KHDRBS2: variants seen among roughly 807,000 people sequenced by gnomAD.
The protein encoded by KHDRBS2 is KH domain-containing, RNA-binding, signal transduction-associated protein 2.
Under a neutral mutation model 44.3 loss-of-function variants are expected in KHDRBS2, and 26 were observed. The ratio of observed to expected loss-of-function variants is 0.59; its 90% CI spans 0.43 to 0.81. The LOEUF (loss-of-function observed/expected upper bound fraction) is 0.81. Among genes scored for constraint, KHDRBS2 ranks in the 40% least tolerant of loss-of-function variants. The pLI is 0.00. For synonymous variants in KHDRBS2, 194 were observed against 151.1 expected, an observed-to-expected ratio of 1.28 and a Z score of -2.08; for missense variants, 476 against 433.1, an observed-to-expected ratio of 1.10 and a Z score of -0.88.
chr6:62,131,175 C>T (rs2150090047), intron 2 of KHDRBS2, among the ~76,000 whole-genome samples: 1 of 152,192 alleles, frequency 6.6e-6, no homozygotes, highest in South Asian at 2.1e-4. Context: ...TATATGTTTG[C>T]CCACACTTGA....
chr6:62,217,189 A>G lies in KHDRBS2; in HGVS notation c.92-39877T>C, dbSNP rs190921995. Among the ~76,000 whole-genome samples, 39 of 151,918 alleles carry G rather than the reference A, an allele frequency of 2.6e-4. 1 individual carries two copies. In the East Asian group the frequency reaches 6.8e-3, roughly 26 times the overall value. On this transcript the variant is annotated intron_variant, in intron 1 of 8. Coordinates refer to ENST00000281156, the MANE Select transcript of KHDRBS2 (RefSeq NM_152688.4). Reference sequence around the variant, plus strand: ...GAGCAATGTCTCTTCGCCGTTTTCAATAAGAGCTGAGTCTTTCTCATGAAC... The same window carrying G: ...GAGCAATGTCTCTTCGCCGTTTTCAGTAAGAGCTGAGTCTTTCTCATGAAC...
chr6:62,068,496 C>G (rs1794262123), intron 2 of KHDRBS2, among the ~76,000 whole-genome samples: 1 of 151,382 alleles, frequency 6.6e-6, no homozygotes, highest in Non-Finnish European at 1.5e-5. Context: ...ATTTATAGCA[C>G]AAACTTTTAA....
At chr6:62,179,507 C>G (rs1187687632) in intron 1 of KHDRBS2, among the ~76,000 whole-genome samples, 1 of 151,654 alleles carries the variant, frequency 6.6e-6, no homozygotes, top group African/African-American at 2.4e-5. Flanking sequence ...ATCATGTCCT[C>G]TGATACTAAG....
At chr6:62,021,131 A>T (rs1185916542) in intron 3 of KHDRBS2, among the ~76,000 whole-genome samples, 1 of 152,046 alleles carries the variant, frequency 6.6e-6, no homozygotes, top group Non-Finnish European at 1.5e-5. Context: ...ACAAGAACAG[A>T]AATCCAAATA....
At chr6:61,637,043 A>G in the KHDRBS2 span, among the ~76,000 whole-genome samples, 1 of 152,044 alleles carries the variant, frequency 6.6e-6, no homozygotes, top group South Asian at 2.1e-4. Context: ...TTTATTTATT[A>G]TTATTATACT....
At chr6:61,607,845 G>A in the KHDRBS2 span, among the ~76,000 whole-genome samples, 1 of 151,986 alleles carries the variant, frequency 6.6e-6, no homozygotes, top group Non-Finnish European at 1.5e-5. Flanking sequence ...GCACCACCAC[G>A]CCTGGCTATT....
intron 3 of KHDRBS2, among the ~76,000 whole-genome samples, chr6:61,995,423 C>T (rs1186448155): frequency 3.3e-5 from 5 of 152,086 alleles, no homozygotes; most frequent in Non-Finnish European, 7.3e-5. Context: ...CTCAGCTAGG[C>T]TTTGAAGAAT....
At chr6:62,133,449 G>A (rs1387851914) in intron 2 of KHDRBS2, among the ~76,000 whole-genome samples, 1 of 152,188 alleles carries the variant, frequency 6.6e-6, no homozygotes, top group East Asian at 1.9e-4. Flanking sequence ...TCTCCAGTAA[G>A]TGGAACTGTG....
In KHDRBS2 at chr6:61,848,469, T is replaced by TTA. The variant is rs796641130; in HGVS notation, c.810+46164_810+46165dup. ...GGTTATATTGAGAGAAATGGAGGTTTTATATATATATATATATATATGTAT... is the reference window on the plus strand; with the variant it reads ...GGTTATATTGAGAGAAATGGAGGTTTTATATATATATATATATATATATGTAT... On this transcript the variant is annotated intron_variant, in intron 6 of 8. Coordinates refer to ENST00000281156, the MANE Select transcript of KHDRBS2 (RefSeq NM_152688.4). Among the ~76,000 whole-genome samples the TTA allele has an allele frequency of 8.6e-3, 635 of 73,570 alleles. 48 individuals carry two copies. The highest frequency in any genetic ancestry group is 0.014 in the East Asian group (48 of 3,414). 48.3% of individuals were successfully genotyped at this position (73,570 alleles called of 152,430 possible). A position where few individuals can be genotyped will look rare whatever the true frequency, so the allele number is the denominator to read the frequency against.
At chr6:62,255,447 T>G (rs1274939132) in intron 1 of KHDRBS2, among the ~76,000 whole-genome samples, 1 of 152,078 alleles carries the variant, frequency 6.6e-6, no homozygotes, top group Non-Finnish European at 1.5e-5. Flanking sequence ...CTCCATCTTA[T>G]GGATGTAACA....
intron 4 of KHDRBS2, among the ~76,000 whole-genome samples, chr6:61,937,856 T>C (rs1363554557): frequency 3.3e-5 from 5 of 152,126 alleles, no homozygotes; most frequent in African/African-American, 9.6e-5. Context: ...GGTCCACTCC[T>C]AGGCACTGCT....
chr6:61,779,195 T>A (rs1053090820), intron 6 of KHDRBS2, among the ~76,000 whole-genome samples: 2 of 152,152 alleles, frequency 1.3e-5, no homozygotes, highest in Non-Finnish European at 2.9e-5. Flanking sequence ...TATACCAATT[T>A]TTTTTTATTT....
chr6:62,274,124 C>T (rs1320966098), intron 1 of KHDRBS2, among the ~76,000 whole-genome samples: 1 of 151,950 alleles, frequency 6.6e-6, no homozygotes, highest in African/African-American at 2.4e-5. Context: ...TTAGTAGACA[C>T]GGGGTTTAAC....
chr6:62,257,983 T>C (rs1359843352), intron 1 of KHDRBS2, among the ~76,000 whole-genome samples: 1 of 151,956 alleles, frequency 6.6e-6, no homozygotes, highest in African/African-American at 2.4e-5. Context: ...AATCCAAAAA[T>C]CCAAAATCTG....
chr6:61,562,483 T>C, the KHDRBS2 span, among the ~76,000 whole-genome samples: 160 of 152,316 alleles, frequency 1.1e-3, no homozygotes, highest in African/African-American at 3.7e-3. Context: ...GGAAGAGGTT[T>C]TCCTTTCCCC....
chr6:62,246,907 TTAAG>T (rs1353882640), intron 1 of KHDRBS2, among the ~76,000 whole-genome samples: 1 of 151,984 alleles, frequency 6.6e-6, no homozygotes, highest in African/African-American at 2.4e-5. Context: ...GCAAATTACT[TTAAG>T]TATTATTTAT....
intron 1 of KHDRBS2, among the ~76,000 whole-genome samples, chr6:62,281,405 A>G (rs1841777416): frequency 6.6e-6 from 1 of 152,078 alleles, no homozygotes; most frequent in African/African-American, 2.4e-5. Flanking sequence ...GTCAATCACA[A>G]AATTCGGAGT....
chr6:61,982,296 A>ACT (rs1379647932), intron 3 of KHDRBS2, among the ~76,000 whole-genome samples: 1 of 152,140 alleles, frequency 6.6e-6, no homozygotes, highest in Non-Finnish European at 1.5e-5. Flanking sequence ...TCTTTACAAA[A>ACT]CGGGATTCCC....
intron 6 of KHDRBS2, among the ~76,000 whole-genome samples, chr6:61,837,379 C>G (rs1792861477): frequency 6.6e-6 from 1 of 151,938 alleles, no homozygotes; most frequent in South Asian, 2.1e-4. Context: ...TCCTTAGGCA[C>G]CAACAGCTAG....
Sources: gnomAD v4.1 joint callset for allele counts (sites outside exome capture counted in the v4.1 genomes callset) on GRCh38, gnomAD v4.1.1 for gene constraint, MANE v1.5 for transcripts, NCBI Gene and HGNC (gene_info 2026-07-23, HGNC 2026-07-21) for gene names.